C10orf67: variants seen among roughly 807,000 people sequenced by gnomAD.
The protein encoded by C10orf67 is uncharacterized protein C10orf67, mitochondrial.
In C10orf67, 60 loss-of-function variants were observed where a neutral mutation model predicts 35.6. The ratio of observed to expected loss-of-function variants is 1.68; its 90% confidence interval spans 1.37 to 2.09. The LOEUF is 2.09. C10orf67 is among the 30% of genes most tolerant of loss of function. The pLI is 0.00. For synonymous variants in C10orf67, 167 were observed against 115.8 expected, an observed-to-expected ratio of 1.44 and a Z score of -2.84; for missense variants, 474 against 330.2, an observed-to-expected ratio of 1.44 and a Z score of -3.38.
chr10:23,298,408 A>C (rs1291798397), intron 5 of C10orf67, among the ~76,000 whole-genome samples: 1 of 152,122 alleles, frequency 6.6e-6, no homozygotes, highest in Non-Finnish European at 1.5e-5. Flanking sequence ...GTGACATATA[A>C]AGAAAAGTCT....
At position 23,322,496 on chromosome 10, in the gene C10orf67, T is replaced by C. The variant is rs1478618796; in HGVS notation, c.369A>G (p.Gln123=). Residue 123 remains glutamine, a synonymous_variant, in exon 3 of 16, where the codon CAA becomes CAG. Coordinates refer to ENST00000636213, the MANE Select transcript of C10orf67 (RefSeq NM_001371909.1). ...SLQVDFGFLK[Q]LLQLKFEDRL... is the part of the protein sequence containing the mutation. The stretch of plus-strand genomic sequence containing the variant: ...GGTCCTCAAACTTCAACTGAAGCAA[T>C]TGTTTGAGGAACCCAAAATCTACCT... 2 of 1,612,432 alleles carry C rather than the reference T, an allele frequency of 1.2e-6. No homozygotes were observed. The highest frequency in any genetic ancestry group is 1.3e-5 in the African/African-American group (1 of 74,886).
chr10:23,315,166 A>G (rs1053863919), intron 4 of C10orf67, among the ~76,000 whole-genome samples: 1 of 152,216 alleles, frequency 6.6e-6, no homozygotes, highest in African/African-American at 2.4e-5. Context: ...TAATGACTTT[A>G]ATTTAATTTA....
chr10:23,211,559 A>T (rs989522777), intron 15 of C10orf67, among the ~76,000 whole-genome samples: 6 of 152,066 alleles, frequency 3.9e-5, no homozygotes, highest in Non-Finnish European at 8.8e-5. Flanking sequence ...TACAGACAGG[A>T]TACACAAGGA....
intron 8 of C10orf67, among the ~76,000 whole-genome samples, chr10:23,281,585 G>T (rs1172121626): frequency 6.6e-6 from 1 of 152,118 alleles, no homozygotes; most frequent in Non-Finnish European, 1.5e-5. Context: ...TCTCTTAAAA[G>T]AACATAAAAA....
At chr10:23,248,958 T>G (rs1204896401) in intron 12 of C10orf67, among the ~76,000 whole-genome samples, 1 of 151,450 alleles carries the variant, frequency 6.6e-6, no homozygotes, top group African/African-American at 2.4e-5. Flanking sequence ...AAACTCCATC[T>G]CTACTAAAAA....
intron 4 of C10orf67, among the ~76,000 whole-genome samples, chr10:23,311,401 A>G (rs1167699089): frequency 1.3e-5 from 2 of 152,166 alleles, no homozygotes; most frequent in Admixed American, 6.5e-5. Context: ...TTCACTTATC[A>G]AACACAGGAG....
At chr10:23,333,294 G>T in intron 1 of C10orf67, 112 bp from the exon 2 acceptor site, 1 of 974,622 alleles carries the variant, frequency 1.0e-6, no homozygotes, top group Non-Finnish European at 1.5e-6. Flanking sequence ...ATTCTAAGAG[G>T]TTGGTGAGGT....
chr10:23,260,898 A>G (rs1286331199), intron 10 of C10orf67, among the ~76,000 whole-genome samples: 1 of 152,232 alleles, frequency 6.6e-6, no homozygotes. Context: ...TTAATACAAA[A>G]AGACCTTTCA....
At chr10:23,267,131 A>T in intron 9 of C10orf67, 64 bp downstream of exon 9, 1 of 681,810 alleles carries the variant, frequency 1.5e-6, no homozygotes, top group Non-Finnish European at 2.7e-6. Context: ...GTCAATTCAG[A>T]TACCAAAATC....
At chr10:23,273,047 T>C (rs1190793658) in intron 8 of C10orf67, among the ~76,000 whole-genome samples, 1 of 152,250 alleles carries the variant, frequency 6.6e-6, no homozygotes, top group African/African-American at 2.4e-5. Flanking sequence ...GCAACCTTTC[T>C]GCATTCACTT....
At chr10:23,286,636 GGGAGGAAAGGAGGGA>G in intron 7 of C10orf67, among the ~76,000 whole-genome samples, 1 of 147,378 alleles carries the variant, frequency 6.8e-6, no homozygotes, top group African/African-American at 2.5e-5. Context: ...AAAGGAGGGA[GGGAGGAAAGGAGGGA>G]GAAAGGAGGG....
chr10:23,240,545 C>A (rs1280599716), intron 12 of C10orf67, among the ~76,000 whole-genome samples: 1 of 152,166 alleles, frequency 6.6e-6, no homozygotes, highest in Non-Finnish European at 1.5e-5. Context: ...TGAAACATCA[C>A]ACATATATTA....
chr10:23,238,640 A>C (rs1842104399), intron 13 of C10orf67, among the ~76,000 whole-genome samples: 1 of 152,216 alleles, frequency 6.6e-6, no homozygotes, highest in African/African-American at 2.4e-5. Context: ...ATAATCATAA[A>C]AAAGCCTGAT....
At chr10:23,228,701 C>T (rs923396516) in intron 13 of C10orf67, among the ~76,000 whole-genome samples, 1 of 151,944 alleles carries the variant, frequency 6.6e-6, no homozygotes. Context: ...TGACAAAGGG[C>T]TAATATCCAG....
chr10:23,334,594 A>G (rs10828431), intron 1 of C10orf67, among the ~76,000 whole-genome samples: 19,789 of 152,296 alleles, frequency 0.13, 2,304 homozygotes, highest in East Asian at 0.63. Context: ...GAAGTTGACC[A>G]TATCCACAGT....
chr10:23,236,084 T>C (rs1174892308), intron 13 of C10orf67, among the ~76,000 whole-genome samples: 1 of 151,862 alleles, frequency 6.6e-6, no homozygotes, highest in Non-Finnish European at 1.5e-5. Flanking sequence ...CCGTCTCTAC[T>C]AAAAATACAA....
chr10:23,228,467 A>G (rs1390249401), intron 13 of C10orf67, among the ~76,000 whole-genome samples: 4 of 152,220 alleles, frequency 2.6e-5, no homozygotes, highest in Non-Finnish European at 5.9e-5. Context: ...TAAACGTTAG[A>G]CCTAAAACCA....
intron 4 of C10orf67, among the ~76,000 whole-genome samples, chr10:23,312,109 A>G (rs1231613381): frequency 2.0e-5 from 3 of 152,230 alleles, no homozygotes; most frequent in Non-Finnish European, 4.4e-5. Flanking sequence ...TAATTAATAC[A>G]TGTTATACTC....
chr10:23,225,819 G>C (rs1841722446), intron 13 of C10orf67, among the ~76,000 whole-genome samples: 1 of 152,094 alleles, frequency 6.6e-6, no homozygotes, highest in Non-Finnish European at 1.5e-5. Context: ...AGAAGAGCTA[G>C]CTATCCTAAA....
Sources: allele counts gnomAD v4.1 joint callset (sites outside exome capture counted in the v4.1 genomes callset), GRCh38; gene constraint gnomAD v4.1.1; transcripts MANE v1.5; gene names NCBI Gene and HGNC (gene_info 2026-07-23, HGNC 2026-07-21).